Variants in UBR4 observed in about 807,000 individuals in gnomAD.
UBR4 encodes the protein E3 ubiquitin-protein ligase UBR4.
Under a neutral mutation model 575.6 loss-of-function variants are expected in UBR4, and 124 were observed. The observed-to-expected ratio is 0.22, with a 90% confidence interval of 0.19 to 0.25. The LOEUF is 0.25. Ranked by LOEUF, UBR4 falls within the 10% of genes least tolerant of loss-of-function variation. UBR4 has a pLI of 1.00. For synonymous variants in UBR4, 2,455 were observed against 2,473.7 expected, an observed-to-expected ratio of 0.99 and a Z score of 0.22; for missense variants, 4,818 against 6,478.8, an observed-to-expected ratio of 0.74 and a Z score of 8.80.
chr1:19,127,231 A>G (rs2149601313), intron 63 of UBR4, among the ~76,000 whole-genome samples: 1 of 152,294 alleles, frequency 6.6e-6, no homozygotes, highest in South Asian at 2.1e-4. Flanking sequence ...TTCAGCCTCA[A>G]TTTCTACCTT....
At chr1:19,197,528 C>G (rs2092533125) in intron 7 of UBR4, 142 bp downstream of exon 7, 1 of 1,246,558 alleles carries the variant, frequency 8.0e-7, no homozygotes, top group Non-Finnish European at 1.1e-6. Context: ...ACTCAGGAGG[C>G]TGAGGTGGGA....
Position 19,117,217 on chromosome 1 carries a change from G to A in UBR4, c.10823+4C>T, listed in dbSNP as rs777856412. 42 of 1,611,056 alleles carry A rather than the reference G, an allele frequency of 2.6e-5. 1 individual carries two copies. Among genetic ancestry groups the A allele is most frequent in the South Asian group, 6.6e-5 (6 of 91,022 alleles). ...GCCCCTCCCGAGGCCTAAAAAGCCC[G>A]TACTTGTTTTTCAACTCCACGATGG... On this transcript the variant is annotated splice_donor_region_variant and intron_variant, in intron 73 of 105. Coordinates refer to ENST00000375254, the MANE Select transcript of UBR4 (RefSeq NM_020765.3). This position sits in a 1 kb window ranked among gnomAD's most constrained non-coding sequence, Gnocchi z 4.0.
chr1:19,198,690 A>T lies in UBR4; in HGVS notation c.509-10T>A. On this transcript the variant is annotated splice_polypyrimidine_tract_variant and intron_variant, in intron 4 of 105. Transcript: ENST00000375254. ...TCTTTCTGATCTTCCACTGTAAAAT[A>T]CAAAGGCAAAAAAAAGGGCTGAGGA... 6.2e-7 allele frequency: 1 copy of T among 1,613,628 alleles called. No individual in the cohort carries two copies. The highest frequency in any genetic ancestry group is 8.5e-7 in the Non-Finnish European group (1 of 1,179,650).
chr1:19,162,766 C>G (rs923955996), intron 34 of UBR4, among the ~76,000 whole-genome samples, 155 bp from the exon 35 acceptor site: 1 of 152,160 alleles, frequency 6.6e-6, no homozygotes, highest in African/African-American at 2.4e-5. Flanking sequence ...CCAGGTTTTA[C>G]CACTCCGTCC....
chr1:19,093,237 C>G lies in UBR4; in HGVS notation c.14111+76G>C, dbSNP rs1160133800. On this transcript the variant is annotated intron_variant, in intron 96 of 105. Transcript: ENST00000375254. The surrounding 1 kb of genome is among the most constrained non-coding windows in gnomAD (Gnocchi z 4.8). ...CAAGGGGCACACGTGAAGCTTTATG[C>G]CAAGATGCTGATGGAGAAGGAAAAG... is the stretch of plus-strand genomic sequence containing the variant. 6.4e-7 allele frequency: 1 copy of G among 1,551,238 alleles called. No individual in the cohort carries two copies. Among genetic ancestry groups the G allele is most frequent in the African/African-American group, 1.4e-5 (1 of 73,200 alleles).
At chr1:19,159,965 T>A in intron 39 of UBR4, 146 bp downstream of exon 39, 1 of 1,010,408 alleles carries the variant, frequency 9.9e-7, no homozygotes, top group Non-Finnish European at 1.4e-6. Flanking sequence ...GTTCTGGGCA[T>A]GTCATGATGT....
Position 19,187,335 on chromosome 1 carries a change from T to C in UBR4, c.1495-34A>G, listed in dbSNP as rs771003537. 13 of 1,609,886 alleles carry C rather than the reference T, an allele frequency of 8.1e-6. No homozygotes were observed. In the Admixed American group the frequency reaches 1.2e-4, roughly 14 times the overall value. On this transcript the variant is annotated intron_variant, in intron 12 of 105. Transcript: ENST00000375254. Reference sequence around the variant, plus strand: ...AATGATATCAAAGGGCAATTAATGATACTACTCAGCCAGAAAAAACAACTT... The same window carrying C: ...AATGATATCAAAGGGCAATTAATGACACTACTCAGCCAGAAAAAACAACTT...
At position 19,128,347 on chromosome 1, in the gene UBR4, C is replaced by T. The variant is rs373837257; in HGVS notation, c.9004-29G>A. On this transcript the variant is annotated intron_variant, in intron 61 of 105. Transcript: ENST00000375254. ...GAAGTCAAAGACAGAAAACACAAAA[C>T]CCAATTTCCTAAAGAAGAACGACTT... The T allele has an allele frequency of 6.3e-6, 10 of 1,597,260 alleles. No individual in the cohort carries two copies. The African/African-American group carries it at 1.3e-4, about 21-fold the overall frequency.
At chr1:19,190,885 G>A (rs964000059) in intron 11 of UBR4, among the ~76,000 whole-genome samples, 3 of 152,120 alleles carry the variant, frequency 2.0e-5, no homozygotes, top group Non-Finnish European at 2.9e-5. Context: ...AATAAATCAG[G>A]TTGCATCTCT....
intron 55 of UBR4, among the ~76,000 whole-genome samples, chr1:19,143,190 AAAGGAAGG>A (rs199926049): frequency 6.1e-5 from 9 of 148,646 alleles, no homozygotes; most frequent in Non-Finnish European, 8.9e-5. Flanking sequence ...AAAAAGAAAG[AAAGGAAGG>A]AAGGAAGGAA....
chr1:19,174,430 G>A lies in UBR4; in HGVS notation c.2871C>T (p.Phe957=). The A allele has an allele frequency of 6.2e-7, 1 of 1,610,222 alleles. No individual in the cohort carries two copies. The highest frequency in any genetic ancestry group is 8.5e-7 in the Non-Finnish European group (1 of 1,179,812). Residue 957 remains phenylalanine, a synonymous_variant, in exon 22 of 106, where the codon TTC becomes TTT. Coordinates refer to ENST00000375254, the MANE Select transcript of UBR4 (RefSeq NM_020765.3). ...GCTCATCATACTTGACAAGCTTGGA[G>A]AAAAGGACGTCACATGCCTGACATC... is the stretch of plus-strand genomic sequence containing the variant. ...RLDSVACDVL[F]SKLVKYDELY...
chr1:19,197,002 A>T, intron 8 of UBR4, 139 bp downstream of exon 8: 1 of 1,031,108 alleles, frequency 9.7e-7, no homozygotes, highest in Non-Finnish European at 1.4e-6. Flanking sequence ...ACCTCATTTC[A>T]CCTTGATGCG....
chr1:19,122,196 C>T (rs2081255328), intron 66 of UBR4, among the ~76,000 whole-genome samples, 184 bp from the exon 67 acceptor site: 2 of 152,208 alleles, frequency 1.3e-5, no homozygotes, highest in South Asian at 4.1e-4. Flanking sequence ...ACTGCTGCAA[C>T]CGCTGCAGCT....
At chr1:19,081,635 C>T (rs751656655) in intron 102 of UBR4, 62 bp from the exon 103 acceptor site, 13 of 1,583,496 alleles carry the variant, frequency 8.2e-6, no homozygotes, top group Non-Finnish European at 1.1e-5. Context: ...GCAGCAAGAG[C>T]AGGAAGAATT....
chr1:19,126,646 G>A lies in UBR4; in HGVS notation c.9238C>T (p.Leu3080Phe). The A allele has an allele frequency of 6.2e-7, 1 of 1,613,566 alleles. No homozygotes were observed. The highest frequency in any genetic ancestry group is 8.5e-7 in the Non-Finnish European group (1 of 1,179,926). ...SKSSICESSS[L>F]ISSATAAALL... ...GCTGCTGCTGTGGCACTGGAGATGAGGGAAGATGACTGGGAGACAGAGAAA... is the reference window on the plus strand; with the variant it reads ...GCTGCTGCTGTGGCACTGGAGATGAAGGAAGATGACTGGGAGACAGAGAAA... The change falls in exon 64 of 106, where the codon CTC (leucine) becomes TTC (phenylalanine). Residue 3080 changes from leucine to phenylalanine, a missense_variant. By Grantham distance (22) the Leu-to-Phe change is conservative. Transcript: ENST00000375254.
intron 3 of UBR4, among the ~76,000 whole-genome samples, chr1:19,199,181 T>C (rs893956892): frequency 2.6e-5 from 4 of 152,330 alleles, no homozygotes; most frequent in Admixed American, 6.5e-5. Context: ...CACGCTCAAA[T>C]AATTCACAGT....
At chr1:19,120,706 C>A (rs541555658) in intron 68 of UBR4, among the ~76,000 whole-genome samples, 1 of 152,132 alleles carries the variant, frequency 6.6e-6, no homozygotes, top group South Asian at 2.1e-4. Context: ...AATAGGCCTA[C>A]ACAGAGATGT....
At position 19,117,199 on chromosome 1, in the gene UBR4, C is replaced by T. The variant is rs2080646682; in HGVS notation, c.10823+22G>A. 2 of 1,607,978 alleles carry T rather than the reference C, an allele frequency of 1.2e-6. No homozygotes were observed. The highest frequency in any genetic ancestry group is 2.2e-5 in the East Asian group (1 of 44,776). ...TCAGCCTTACAACCTGCTGCCCCTC[C>T]CGAGGCCTAAAAAGCCCGTACTTGT... On this transcript the variant is annotated intron_variant, in intron 73 of 105. Coordinates refer to ENST00000375254, the MANE Select transcript of UBR4 (RefSeq NM_020765.3). This position sits in a 1 kb window ranked among gnomAD's most constrained non-coding sequence, Gnocchi z 4.0.
rs769688715 is a variant in UBR4, at chr1:19,179,208, G to C, written c.2197C>G (p.Gln733Glu). 7.0e-6 allele frequency: 11 copies of C among 1,578,282 alleles called. No individual in the cohort carries two copies. Among genetic ancestry groups the C allele is most frequent in the Admixed American group, 2.1e-5 (1 of 47,762 alleles). Residue 733 changes from glutamine to glutamate, a missense_variant, in exon 18 of 106, where the codon CAG (glutamine) becomes GAG (glutamate). Physicochemically the swap from Gln to Glu is conservative, Grantham distance 29. Around this residue, in one of 29 missense-constraint regions of UBR4, gnomAD observed 1,172 missense variants for 1,259.7 expected, o/e 0.93. Coordinates refer to ENST00000375254, the MANE Select transcript of UBR4 (RefSeq NM_020765.3). ...QSPNLQNTLL[Q>E]QLGVAPFSEG... ...GAAAAAGGAGCCACTCCTAGCTGCT[G>C]CAACAGTGTGTTCTGACAAGAAAGA...
Sources: gnomAD v4.1 joint callset for allele counts (sites outside exome capture counted in the v4.1 genomes callset) on GRCh38, gnomAD v4.1.1 for gene constraint, gnomAD v4.1.1 regional missense constraint, Gnocchi (gnomAD v3.1) non-coding constraint, MANE v1.5 for transcripts, NCBI Gene and HGNC (gene_info 2026-07-23, HGNC 2026-07-21) for gene names.